The following PPARGC1A variants were observed in gnomAD, a reference collection of about 807,000 sequenced individuals.
PPARGC1A encodes the protein PPARG coactivator 1 alpha, also known as peroxisome proliferator-activated receptor gamma coactivator 1-alpha.
In PPARGC1A, 25 loss-of-function variants were observed where a neutral mutation model predicts 88.7. The ratio of observed to expected loss-of-function variants is 0.28; its 90% CI spans 0.21 to 0.39. PPARGC1A has a LOEUF of 0.39. Ranked by LOEUF, PPARGC1A falls within the 10% of genes least tolerant of loss-of-function variation. The pLI is 1.00. For synonymous variants in PPARGC1A, 363 were observed against 355.6 expected, an observed-to-expected ratio of 1.02 and a Z score of -0.24; for missense variants, 880 against 968.7, an observed-to-expected ratio of 0.91 and a Z score of 1.22.
chr4:23,855,520 T>C (rs1730037365), intron 2 of PPARGC1A, among the ~76,000 whole-genome samples: 1 of 152,242 alleles, frequency 6.6e-6, no homozygotes, highest in Non-Finnish European at 1.5e-5. Flanking sequence ...AAATGCCTAC[T>C]CTTGTGCATT....
chr4:23,831,590 G>C lies in PPARGC1A; in HGVS notation c.396C>G (p.Thr132=). 3 of 1,614,072 alleles carry C rather than the reference G, an allele frequency of 1.9e-6. No homozygotes were observed. The highest frequency in any genetic ancestry group is 2.5e-6 in the Non-Finnish European group (3 of 1,179,984). Residue 132 remains threonine (T), a synonymous_variant, in exon 3 of 13, where the codon ACC becomes ACG. Coordinates refer to ENST00000264867, the MANE Select transcript of PPARGC1A (RefSeq NM_013261.5). ...EASPSSMPDG[T]PPPQEAEEPS... is the part of the protein sequence containing the mutation. ...GCTCTTCTGCCTCCTGGGGTGGAGG[G>C]GTGCCGTCAGGCATGGAGGAAGGAC...
the PPARGC1A span, among the ~76,000 whole-genome samples, chr4:23,977,461 C>T: frequency 2.0e-5 from 3 of 152,284 alleles, no homozygotes; most frequent in Admixed American, 2.0e-4. Context: ...AAACAGACAA[C>T]AAAATACTTA....
the PPARGC1A span, among the ~76,000 whole-genome samples, chr4:24,220,478 C>A: frequency 1.7e-4 from 26 of 152,182 alleles, no homozygotes; most frequent in Non-Finnish European, 3.5e-4. Flanking sequence ...AACCCAGGTA[C>A]CCATCAACGG....
chr4:24,016,078 A>G, the PPARGC1A span, among the ~76,000 whole-genome samples: 2 of 152,230 alleles, frequency 1.3e-5, no homozygotes, highest in Non-Finnish European at 2.9e-5. Flanking sequence ...CAATATGACT[A>G]GAACAATATG....
At chr4:24,470,196 G>A in the PPARGC1A span, among the ~76,000 whole-genome samples, 2 of 151,554 alleles carry the variant, frequency 1.3e-5, no homozygotes, top group Non-Finnish European at 2.9e-5. The surrounding 1 kb of genome is among the most constrained non-coding windows in gnomAD (Gnocchi z 5.8). Flanking sequence ...GCTTGTACCG[G>A]GTGCGTGGTT....
At chr4:23,976,031 A>G in the PPARGC1A span, among the ~76,000 whole-genome samples, 1 of 151,852 alleles carries the variant, frequency 6.6e-6, no homozygotes. Flanking sequence ...AATGAGAACA[A>G]TAATGATAGT....
the PPARGC1A span, among the ~76,000 whole-genome samples, chr4:24,242,975 G>C: frequency 2.0e-5 from 3 of 152,098 alleles, no homozygotes; most frequent in Admixed American, 2.0e-4. Flanking sequence ...AAATTTTATG[G>C]TTATATGTAC....
the PPARGC1A span, among the ~76,000 whole-genome samples, chr4:24,261,462 G>A: frequency 6.6e-6 from 1 of 152,116 alleles, no homozygotes; most frequent in Non-Finnish European, 1.5e-5. Context: ...CTGGTTACAG[G>A]ACACTTTCTC....
At chr4:23,828,884 A>T (rs527711525) in intron 4 of PPARGC1A, among the ~76,000 whole-genome samples, 2 of 151,406 alleles carry the variant, frequency 1.3e-5, no homozygotes, top group East Asian at 3.9e-4. Flanking sequence ...TATTGTGAAT[A>T]AAAAAAATCG....
chr4:24,171,910 CA>C, the PPARGC1A span, among the ~76,000 whole-genome samples: 1 of 152,182 alleles, frequency 6.6e-6, no homozygotes, highest in African/African-American at 2.4e-5. Context: ...GGGAAATTCA[CA>C]AATACATGTA....
At chr4:24,407,884 T>G in the PPARGC1A span, among the ~76,000 whole-genome samples, 1 of 152,164 alleles carries the variant, frequency 6.6e-6, no homozygotes, top group Non-Finnish European at 1.5e-5. Flanking sequence ...AAATATAGAC[T>G]CATTCCAAAC....
At chr4:24,035,310 C>A in the PPARGC1A span, among the ~76,000 whole-genome samples, 1 of 151,956 alleles carries the variant, frequency 6.6e-6, no homozygotes, top group African/African-American at 2.4e-5. Context: ...GAGGCTGGGG[C>A]GGGCAGATCC....
chr4:24,201,213 C>T, the PPARGC1A span, among the ~76,000 whole-genome samples: 1 of 152,138 alleles, frequency 6.6e-6, no homozygotes, highest in African/African-American at 2.4e-5. Flanking sequence ...AAAATTGGAG[C>T]CATAAATACA....
At chr4:24,324,031 TC>T in the PPARGC1A span, among the ~76,000 whole-genome samples, 9 of 152,224 alleles carry the variant, frequency 5.9e-5, no homozygotes, top group African/African-American at 2.2e-4. Flanking sequence ...GACCCAAAAC[TC>T]TGGCGCCGGT....
At chr4:24,175,129 A>G in the PPARGC1A span, among the ~76,000 whole-genome samples, 1 of 152,178 alleles carries the variant, frequency 6.6e-6, no homozygotes, top group African/African-American at 2.4e-5. Flanking sequence ...TTGGGTAAGA[A>G]TGCCATTAGA....
chr4:23,836,327 A>G (rs1401495789), intron 2 of PPARGC1A, among the ~76,000 whole-genome samples: 1 of 152,122 alleles, frequency 6.6e-6, no homozygotes, highest in Non-Finnish European at 1.5e-5. Context: ...ATCAAACAGC[A>G]TTTCCCATGG....
chr4:24,423,848 C>T, the PPARGC1A span, among the ~76,000 whole-genome samples: 5 of 152,336 alleles, frequency 3.3e-5, no homozygotes, highest in African/African-American at 1.2e-4. Flanking sequence ...GCCTACAAGT[C>T]AGGCCCATCT....
chr4:23,944,817 C>T, the PPARGC1A span, among the ~76,000 whole-genome samples: 2 of 152,180 alleles, frequency 1.3e-5, no homozygotes, highest in Admixed American at 1.3e-4. Context: ...TCTCCTTCTG[C>T]CATGACTGTA....
In PPARGC1A at chr4:23,813,977, A is replaced by G. The variant is rs1195436294; in HGVS notation, c.1506T>C (p.Asn502=). 6.2e-7 allele frequency: 1 copy of G among 1,614,132 alleles called. No individual in the cohort carries two copies. The highest frequency in any genetic ancestry group is 1.1e-5 in the South Asian group (1 of 91,084). The change falls in exon 8 of 13, where the codon AAT becomes AAC. Residue 502 remains asparagine, a synonymous_variant. Transcript: ENST00000264867. ...EQFSKLPMFI[N]SGLAMDGLFD... ...ACAGGCCATCCATGGCTAGTCCTGA[A>G]TTTATAAACATAGGTAGTTTGGAGA...
Sources: gnomAD v4.1 joint callset for allele counts (sites outside exome capture counted in the v4.1 genomes callset) on GRCh38, gnomAD v4.1.1 for gene constraint, Gnocchi (gnomAD v3.1) non-coding constraint, MANE v1.5 for transcripts, NCBI Gene and HGNC (gene_info 2026-07-23, HGNC 2026-07-21) for gene names.